Variants in ZNF618 observed in about 807,000 individuals in gnomAD.
ZNF618 encodes the protein neural precursor cell expressed, developmentally down-regulated 10.
ZNF618 carries 34 observed loss-of-function variants against 103.0 expected under a neutral mutation model. The ratio of observed to expected loss-of-function variants is 0.33; its 90% CI spans 0.25 to 0.44. The LOEUF (loss-of-function observed/expected upper bound fraction) is 0.44. ZNF618 is among the 20% of genes least tolerant of loss of function. The probability of loss-of-function intolerance (pLI) is 1.00; values close to 1 mark genes in which losing one functional copy is unlikely to be tolerated. For synonymous variants in ZNF618, 551 were observed against 542.2 expected, an observed-to-expected ratio of 1.02 and a Z score of -0.23; for missense variants, 1,059 against 1,295.4, an observed-to-expected ratio of 0.82 and a Z score of 2.80.
chr9:113,931,034 A>G (rs767004939), intron 1 of ZNF618, among the ~76,000 whole-genome samples: 3 of 152,192 alleles, frequency 2.0e-5, no homozygotes, highest in Non-Finnish European at 2.9e-5. Flanking sequence ...CTTTTTTAGG[A>G]TAGAATTCAG....
chr9:113,994,310 T>C (rs1466208579), intron 3 of ZNF618, among the ~76,000 whole-genome samples: 4 of 152,210 alleles, frequency 2.6e-5, no homozygotes, highest in African/African-American at 9.6e-5. Flanking sequence ...TCGTGCCAGC[T>C]GATAGTTCGT....
chr9:113,883,942 G>A (rs1307710344), intron 1 of ZNF618, among the ~76,000 whole-genome samples: 5 of 142,500 alleles, frequency 3.5e-5, no homozygotes, highest in African/African-American at 1.0e-4. Flanking sequence ...TGACCTGTGG[G>A]GGCTCCATGC....
chr9:113,978,871 C>T (rs1838723840), intron 2 of ZNF618, among the ~76,000 whole-genome samples: 1 of 152,032 alleles, frequency 6.6e-6, no homozygotes, highest in African/African-American at 2.4e-5. Context: ...TAGGTGTGGG[C>T]CCGGAGCACC....
intron 1 of ZNF618, among the ~76,000 whole-genome samples, chr9:113,963,247 C>T (rs1348827328): frequency 6.6e-6 from 1 of 152,192 alleles, no homozygotes; most frequent in Non-Finnish European, 1.5e-5. Context: ...TGGTTGCACC[C>T]ACTGCCGAGG....
intron 1 of ZNF618, among the ~76,000 whole-genome samples, chr9:113,908,223 T>C (rs1007207333): frequency 2.0e-5 from 3 of 152,180 alleles, no homozygotes; most frequent in African/African-American, 7.2e-5. Flanking sequence ...CTAACATTTA[T>C]AGAGAAAAAC....
rs1840818405 is a variant in ZNF618, at chr9:113,998,248, A to C, written c.338-11A>C. The C allele has an allele frequency of 6.5e-7, 1 of 1,549,652 alleles. No homozygotes were observed. Among genetic ancestry groups the C allele is most frequent in the Non-Finnish European group, 8.7e-7 (1 of 1,146,310 alleles). Reference sequence around the variant, plus strand: ...CTTTAAGGGCTCTTTCTGATTTCTTACGTAATTCAGATGGAAAAGCGCCCG... The same window carrying C: ...CTTTAAGGGCTCTTTCTGATTTCTTCCGTAATTCAGATGGAAAAGCGCCCG... On this transcript the variant is annotated splice_polypyrimidine_tract_variant and intron_variant, in intron 3 of 14. Transcript: ENST00000374126.
intron 1 of ZNF618, among the ~76,000 whole-genome samples, chr9:113,940,108 A>G (rs1475827523): frequency 8.0e-6 from 1 of 124,646 alleles, no homozygotes; most frequent in Non-Finnish European, 1.8e-5. Flanking sequence ...AATAGTCTGC[A>G]CTTTTTAATT....
At chr9:114,030,503 C>T (rs930189962) in intron 11 of ZNF618, among the ~76,000 whole-genome samples, 12 of 152,164 alleles carry the variant, frequency 7.9e-5, no homozygotes, top group Admixed American at 5.9e-4. Flanking sequence ...GGGTGTGGTA[C>T]GTGGCCGGTC....
chr9:113,886,423 C>T (rs1282601050), intron 1 of ZNF618, among the ~76,000 whole-genome samples: 4 of 151,844 alleles, frequency 2.6e-5, no homozygotes, highest in East Asian at 1.9e-4. Context: ...AAGATGTAGT[C>T]GGGGAACTTA....
intron 1 of ZNF618, among the ~76,000 whole-genome samples, chr9:113,951,786 G>A (rs1440452079): frequency 6.6e-6 from 1 of 151,904 alleles, no homozygotes; most frequent in Admixed American, 6.6e-5. Flanking sequence ...AGGAGAACAA[G>A]TGTGGTTCTG....
chr9:114,016,224 A>G (rs2133943785), intron 9 of ZNF618: 1 of 1,427,472 alleles, frequency 7.0e-7, no homozygotes, highest in Non-Finnish European at 9.9e-7. Flanking sequence ...CCCTGCTGCT[A>G]GTGGGTGGGG....
chr9:113,984,800 T>G (rs948817896), intron 2 of ZNF618, among the ~76,000 whole-genome samples: 7 of 152,220 alleles, frequency 4.6e-5, no homozygotes, highest in Non-Finnish European at 5.9e-5. Flanking sequence ...TGTCAGCTGC[T>G]TTCTTTACCC....
intron 1 of ZNF618, among the ~76,000 whole-genome samples, chr9:113,912,475 G>A (rs538477583): frequency 3.3e-5 from 5 of 152,334 alleles, no homozygotes; most frequent in Admixed American, 1.3e-4. Context: ...ATGTGAGTGA[G>A]TGACAGTCTT....
chr9:113,887,972 A>C (rs1391380898), intron 1 of ZNF618, among the ~76,000 whole-genome samples: 1 of 152,138 alleles, frequency 6.6e-6, no homozygotes, highest in African/African-American at 2.4e-5. Context: ...TTATTATATG[A>C]CTGGCCTTGG....
At chr9:113,947,338 T>C (rs138186760) in intron 1 of ZNF618, among the ~76,000 whole-genome samples, 2 of 152,300 alleles carry the variant, frequency 1.3e-5, no homozygotes, top group African/African-American at 4.8e-5. Context: ...TAAGAATACT[T>C]ACTCCACAGC....
At chr9:114,003,883 C>T (rs149313055) in intron 6 of ZNF618, among the ~76,000 whole-genome samples, 87 of 152,266 alleles carry the variant, frequency 5.7e-4, no homozygotes, top group Non-Finnish European at 9.4e-4. Context: ...ACGTCTCCGT[C>T]GCAAGTATTC....
intron 13 of ZNF618, among the ~76,000 whole-genome samples, chr9:114,037,003 C>T (rs1426610675): frequency 6.6e-6 from 1 of 152,226 alleles, no homozygotes; most frequent in Non-Finnish European, 1.5e-5. Context: ...GCTGATGCTA[C>T]TGGTTCAGGG....
chr9:113,937,345 C>A (rs555530203), intron 1 of ZNF618, among the ~76,000 whole-genome samples: 1 of 152,284 alleles, frequency 6.6e-6, no homozygotes, highest in South Asian at 2.1e-4. Flanking sequence ...CCCCTGAATA[C>A]TTCAGAAATG....
intron 12 of ZNF618, among the ~76,000 whole-genome samples, chr9:114,035,002 C>A (rs1406309715): frequency 1.3e-5 from 2 of 152,206 alleles, no homozygotes; most frequent in African/African-American, 2.4e-5. Context: ...AACCTTGATC[C>A]TCTGAAAGGC....
Sources: allele counts gnomAD v4.1 joint callset (sites outside exome capture counted in the v4.1 genomes callset), GRCh38; gene constraint gnomAD v4.1.1; transcripts MANE v1.5; gene names NCBI Gene and HGNC (gene_info 2026-07-23, HGNC 2026-07-21).